The following LY86 variants were observed in gnomAD, a reference collection of about 807,000 sequenced individuals.
LY86 encodes MD-1, RP105-associated.
Under a neutral mutation model 17.3 loss-of-function variants are expected in LY86, and 20 were observed. The ratio of observed to expected loss-of-function variants is 1.15; its 90% CI spans 0.81 to 1.68. The LOEUF (loss-of-function observed/expected upper bound fraction) is 1.68. Among genes scored for constraint, LY86 ranks in the 40% most tolerant of loss-of-function variants. The probability of loss-of-function intolerance (pLI) is 0.00; values close to 1 mark genes in which losing one functional copy is unlikely to be tolerated. For synonymous variants in LY86, 74 were observed against 70.6 expected (o/e 1.05, Z -0.24); for missense variants, 200 against 191.9 (o/e 1.04, Z -0.25).
chr6:6,603,496 CTT>C (rs1242033621), intron 1 of LY86, among the ~76,000 whole-genome samples: 31 of 151,128 alleles, frequency 2.1e-4, no homozygotes, highest in African/African-American at 7.3e-4. Flanking sequence ...TGACAGAAAT[CTT>C]TTAAATATAT....
At chr6:6,611,717 A>G (rs753054320) in intron 1 of LY86, among the ~76,000 whole-genome samples, 5 of 152,170 alleles carry the variant, frequency 3.3e-5, no homozygotes, top group African/African-American at 4.8e-5. Context: ...TTCTCCTGAA[A>G]GTCAGGGGCT....
At chr6:6,617,814 GT>G (rs928630398) in intron 1 of LY86, among the ~76,000 whole-genome samples, 1 of 152,032 alleles carries the variant, frequency 6.6e-6, no homozygotes, top group African/African-American at 2.4e-5. Flanking sequence ...AGTGCATTTG[GT>G]TTTTTTGTTT....
chr6:6,613,717 G>A lies in LY86; in HGVS notation c.137-11209G>A, dbSNP rs1057505542. ...CCCACAGTGCAGCGGCGGGCTGAAG[G>A]GCTCCTCAAGCGCGGCCAGAGTGGG... On this transcript the variant is annotated intron_variant, in intron 1 of 4. Transcript: ENST00000230568. Among the ~76,000 whole-genome samples the A allele has an allele frequency of 2.0e-5, 3 of 152,384 alleles. No individual in the cohort carries two copies. In the South Asian group the frequency reaches 6.2e-4, roughly 32 times the overall value.
chr6:6,598,904 T>C (rs1357037124), intron 1 of LY86, among the ~76,000 whole-genome samples: 2 of 152,376 alleles, frequency 1.3e-5, no homozygotes, highest in Non-Finnish European at 2.9e-5. Flanking sequence ...AACATAGCAT[T>C]GACCTGTCTT....
intron 1 of LY86, among the ~76,000 whole-genome samples, chr6:6,594,863 A>T (rs1019222195): frequency 3.3e-5 from 5 of 152,188 alleles, no homozygotes; most frequent in African/African-American, 1.2e-4. Context: ...AAGCGTACAC[A>T]CATTAAGCAT....
chr6:6,600,403 A>G (rs1339975386), intron 1 of LY86, among the ~76,000 whole-genome samples: 1 of 151,958 alleles, frequency 6.6e-6, no homozygotes, highest in Non-Finnish European at 1.5e-5. Context: ...CAGTCGGTCC[A>G]ACATGACGAT....
At chr6:6,589,620 G>A (rs1290662484) in intron 1 of LY86, among the ~76,000 whole-genome samples, 1 of 152,252 alleles carries the variant, frequency 6.6e-6, no homozygotes, top group East Asian at 1.9e-4. Context: ...TTAAATAACA[G>A]ATTTATTTCC....
chr6:6,596,569 G>A (rs1263150355), intron 1 of LY86, among the ~76,000 whole-genome samples: 1 of 152,234 alleles, frequency 6.6e-6, no homozygotes, highest in Non-Finnish European at 1.5e-5. Context: ...TGCAATTTCA[G>A]AGGGATGACT....
At chr6:6,595,166 C>A (rs368841014) in intron 1 of LY86, among the ~76,000 whole-genome samples, 16 of 139,106 alleles carry the variant, frequency 1.2e-4, no homozygotes, top group African/African-American at 3.5e-4. Flanking sequence ...GAGAAAAGAG[C>A]GGAAGGAGGA....
intron 3 of LY86, among the ~76,000 whole-genome samples, chr6:6,639,104 T>A (rs1000194144): frequency 6.6e-6 from 1 of 152,066 alleles, no homozygotes; most frequent in Non-Finnish European, 1.5e-5. Context: ...CCATAAAAAA[T>A]GATGAGTTCA....
intron 1 of LY86, among the ~76,000 whole-genome samples, chr6:6,596,037 CT>C (rs1461329840): frequency 6.6e-6 from 1 of 152,226 alleles, no homozygotes; most frequent in Non-Finnish European, 1.5e-5. Flanking sequence ...AAGTCCACCT[CT>C]GCCTAAATAG....
At chr6:6,605,189 G>A (rs577063403) in intron 1 of LY86, among the ~76,000 whole-genome samples, 57 of 152,250 alleles carry the variant, frequency 3.7e-4, no homozygotes, top group Non-Finnish European at 6.3e-4. Context: ...TGATGAATTT[G>A]GAACAAGAAT....
intron 3 of LY86, among the ~76,000 whole-genome samples, chr6:6,627,781 A>G (rs1164989307): frequency 6.6e-6 from 1 of 152,214 alleles, no homozygotes; most frequent in African/African-American, 2.4e-5. Context: ...TTAATACTAC[A>G]TTAATATTCC....
At position 6,654,897 on chromosome 6, in the gene LY86, G is replaced by T. The variant is rs116693754; in HGVS notation, c.*270G>T. On this transcript the variant is annotated 3_prime_UTR_variant, in exon 5 of 5. Coordinates refer to ENST00000230568, the MANE Select transcript of LY86 (RefSeq NM_004271.4). Reference sequence around the variant, plus strand: ...GAGGGTCCATCCTTTTTCTCTAATTGGTCGCCTCCCACCAGACTCACCTGC... The same window carrying T: ...GAGGGTCCATCCTTTTTCTCTAATTTGTCGCCTCCCACCAGACTCACCTGC... 919 of 402,238 alleles carry T rather than the reference G, an allele frequency of 2.3e-3. 8 individuals carry two copies. The highest frequency in any genetic ancestry group is 0.017 in the African/African-American group (849 of 48,862). 24.9% of individuals were successfully genotyped at this position (402,238 alleles called of 1,614,324 possible).
intron 3 of LY86, among the ~76,000 whole-genome samples, chr6:6,641,467 G>A (rs2113157222): frequency 6.6e-6 from 1 of 152,226 alleles, no homozygotes; most frequent in South Asian, 2.1e-4. Context: ...CCTCCCCTTG[G>A]AGCACAGCTG....
intron 1 of LY86, 76 bp downstream of exon 1, chr6:6,588,946 T>C: frequency 6.7e-7 from 1 of 1,500,400 alleles, no homozygotes; most frequent in South Asian, 1.2e-5. Context: ...AGTGCTCAGT[T>C]GGAGTTGGGG....
chr6:6,588,797 C>G lies in LY86; in HGVS notation c.63C>G (p.Gly21=), dbSNP rs558099290. Residue 21 remains glycine (G), a synonymous_variant, in exon 1 of 5, where the codon GGC becomes GGG. Transcript: ENST00000230568. ...WTLIFPSCSG[G]GGGKAWPTHV... ...TGATTTTTCCCAGCTGCAGTGGAGGCGGCGGTGGGAAAGCCTGGCCCACAC... is the reference window on the plus strand; with the variant it reads ...TGATTTTTCCCAGCTGCAGTGGAGGGGGCGGTGGGAAAGCCTGGCCCACAC... 1 of 1,614,140 alleles carries G rather than the reference C, an allele frequency of 6.2e-7. No individual in the cohort carries two copies. The highest frequency in any genetic ancestry group is 8.5e-7 in the Non-Finnish European group (1 of 1,179,988).
chr6:6,610,235 A>C (rs1157734669), intron 1 of LY86, among the ~76,000 whole-genome samples: 1 of 152,228 alleles, frequency 6.6e-6, no homozygotes, highest in Non-Finnish European at 1.5e-5. Flanking sequence ...TGGTTCTGTA[A>C]GATGTTACCA....
chr6:6,605,952 A>G (rs192394041), intron 1 of LY86, among the ~76,000 whole-genome samples: 100 of 152,182 alleles, frequency 6.6e-4, no homozygotes, highest in African/African-American at 2.4e-3. Flanking sequence ...TATAACTCAT[A>G]AAAGAAGCGT....
Sources: gnomAD v4.1 joint callset for allele counts (sites outside exome capture counted in the v4.1 genomes callset) on GRCh38, gnomAD v4.1.1 for gene constraint, MANE v1.5 for transcripts, NCBI Gene and HGNC (gene_info 2026-07-23, HGNC 2026-07-21) for gene names.